CDH12: variants seen among roughly 807,000 people sequenced by gnomAD.
The protein encoded by CDH12 is cadherin-12.
A neutral mutation model predicts 74.1 loss-of-function variants in CDH12; 41 were observed. The observed-to-expected ratio is 0.55, with a 90% confidence interval of 0.43 to 0.72. The LOEUF (loss-of-function observed/expected upper bound fraction) is 0.72, where lower values mean the gene tolerates loss of function less well. Among genes scored for constraint, CDH12 ranks in the 30% least tolerant of loss-of-function variants. The probability of loss-of-function intolerance (pLI) is 0.00; values close to 1 mark genes in which losing one functional copy is unlikely to be tolerated. For missense variants in CDH12, 945 were observed against 977.2 expected (o/e 0.97, Z 0.44); for synonymous variants, 399 against 355.0 (o/e 1.12, Z -1.39).
At chr5:22,164,255 T>C (rs1476247012) in intron 4 of CDH12, among the ~76,000 whole-genome samples, 4 of 152,230 alleles carry the variant, frequency 2.6e-5, no homozygotes, top group Admixed American at 2.6e-4. Context: ...TCTTGGGCCA[T>C]GCAGTGAGTG....
At chr5:21,830,413 A>T (rs1253980872) in intron 8 of CDH12, among the ~76,000 whole-genome samples, 2 of 151,988 alleles carry the variant, frequency 1.3e-5, no homozygotes, top group Non-Finnish European at 2.9e-5. Context: ...AGTTGTATTG[A>T]TTTACCTAAT....
chr5:22,776,532 C>T (rs1240718338), intron 1 of CDH12, among the ~76,000 whole-genome samples: 1 of 151,966 alleles, frequency 6.6e-6, no homozygotes, highest in East Asian at 1.9e-4. Flanking sequence ...TCTATAGGCA[C>T]AGAAGGAAAT....
At chr5:22,424,012 A>AAAAAAAAAAAAAAAAAAG in intron 2 of CDH12, among the ~76,000 whole-genome samples, 1 of 149,368 alleles carries the variant, frequency 6.7e-6, no homozygotes, top group African/African-American at 2.5e-5. Flanking sequence ...CAAAAAAAAA[A>AAAAAAAAAAAAAAAAAAG]AAAAAAAAAA....
intron 3 of CDH12, among the ~76,000 whole-genome samples, chr5:22,382,560 C>T (rs1741815495): frequency 6.6e-6 from 1 of 151,736 alleles, no homozygotes; most frequent in South Asian, 2.1e-4. Flanking sequence ...TTTTCATCTT[C>T]AAGATTTTAT....
At chr5:22,232,010 A>G (rs1752403466) in intron 3 of CDH12, among the ~76,000 whole-genome samples, 1 of 151,888 alleles carries the variant, frequency 6.6e-6, no homozygotes, top group East Asian at 1.9e-4. Context: ...TAAAATATTA[A>G]TGAAGGTTTT....
intron 6 of CDH12, among the ~76,000 whole-genome samples, chr5:21,912,470 A>G (rs558868623): frequency 6.6e-6 from 1 of 152,308 alleles, no homozygotes; most frequent in Admixed American, 6.5e-5. Flanking sequence ...AGAATAAAAG[A>G]TATCAAACTC....
chr5:21,948,736 A>G (rs1580004300), intron 6 of CDH12, among the ~76,000 whole-genome samples: 1 of 152,148 alleles, frequency 6.6e-6, no homozygotes, highest in African/African-American at 2.4e-5. Flanking sequence ...GTTTGGCTCT[A>G]TATCCCCACC....
chr5:22,736,490 G>A (rs947585503), intron 1 of CDH12, among the ~76,000 whole-genome samples: 1 of 151,398 alleles, frequency 6.6e-6, no homozygotes, highest in Non-Finnish European at 1.5e-5. Flanking sequence ...GCTGTTAATA[G>A]CATTCTTTAT....
chr5:22,792,216 G>T (rs553017001), intron 1 of CDH12, among the ~76,000 whole-genome samples: 9 of 151,260 alleles, frequency 6.0e-5, no homozygotes, highest in Admixed American at 4.0e-4. Context: ...AGCTGCCCAA[G>T]TAGCTGGGAT....
chr5:21,955,764 C>T (rs1756067352), intron 6 of CDH12, among the ~76,000 whole-genome samples: 2 of 152,020 alleles, frequency 1.3e-5, no homozygotes, highest in African/African-American at 4.8e-5. Flanking sequence ...GCAGTGGTAG[C>T]TTGGATCCAC....
At chr5:22,755,973 C>T (rs547554988) in intron 1 of CDH12, among the ~76,000 whole-genome samples, 3 of 151,482 alleles carry the variant, frequency 2.0e-5, no homozygotes, top group South Asian at 4.2e-4. Flanking sequence ...TATTTATTGA[C>T]CTGGACTGTT....
intron 3 of CDH12, among the ~76,000 whole-genome samples, chr5:22,293,646 A>G (rs1366297411): frequency 1.3e-5 from 2 of 152,252 alleles, no homozygotes; most frequent in Non-Finnish European, 2.9e-5. Context: ...ACATACAACA[A>G]AATACTATTC....
intron 4 of CDH12, among the ~76,000 whole-genome samples, chr5:22,117,757 T>A (rs1389498394): frequency 1.3e-5 from 2 of 151,092 alleles, no homozygotes; most frequent in Non-Finnish European, 2.9e-5. Flanking sequence ...TCATTGCATG[T>A]ATACACTTAT....
intron 6 of CDH12, among the ~76,000 whole-genome samples, chr5:21,880,691 C>CTTTCTT (rs1752304106): frequency 9.6e-6 from 1 of 103,944 alleles, no homozygotes; most frequent in Non-Finnish European, 2.0e-5. Flanking sequence ...TTCTTTCTTT[C>CTTTCTT]TCTTTTCTCC....
At chr5:22,072,024 C>T (rs891352608) in intron 5 of CDH12, among the ~76,000 whole-genome samples, 10 of 152,012 alleles carry the variant, frequency 6.6e-5, no homozygotes, top group Non-Finnish European at 1.2e-4. Context: ...AAATATTCTA[C>T]TCTAATTTCC....
At chr5:22,830,349 A>G (rs889176556) in intron 1 of CDH12, among the ~76,000 whole-genome samples, 14 of 152,138 alleles carry the variant, frequency 9.2e-5, no homozygotes, top group Non-Finnish European at 1.9e-4. Flanking sequence ...TTATGTATGT[A>G]TACATGTATA....
chr5:22,735,792 C>CA (rs1214766138), intron 1 of CDH12, among the ~76,000 whole-genome samples: 2 of 151,700 alleles, frequency 1.3e-5, no homozygotes, highest in Non-Finnish European at 3.0e-5. Flanking sequence ...AGTGCTTACT[C>CA]AAAAAATGAG....
chr5:22,075,242 T>C (rs1486202923), intron 5 of CDH12, among the ~76,000 whole-genome samples: 1 of 138,214 alleles, frequency 7.2e-6, no homozygotes, highest in Admixed American at 8.2e-5. Flanking sequence ...TTCTCACTCA[T>C]AGGTGGGAAT....
chr5:21,819,855 C>T (rs940810828), intron 8 of CDH12, among the ~76,000 whole-genome samples: 1 of 151,968 alleles, frequency 6.6e-6, no homozygotes, highest in Admixed American at 6.6e-5. Flanking sequence ...ACATGTGCAT[C>T]TCACTTAAAG....
Sources: gnomAD v4.1 joint callset for allele counts (sites outside exome capture counted in the v4.1 genomes callset) on GRCh38, gnomAD v4.1.1 for gene constraint, MANE v1.5 for transcripts, NCBI Gene and HGNC (gene_info 2026-07-23, HGNC 2026-07-21) for gene names.